Variants in CCDC141 observed in about 807,000 individuals in gnomAD.
CCDC141 encodes the protein coiled-coil domain containing 141.
A neutral mutation model predicts 181.0 loss-of-function variants in CCDC141; 168 were observed. The ratio of observed to expected loss-of-function variants is 0.93; its 90% CI spans 0.82 to 1.05. The LOEUF is 1.05. CCDC141 is among the 50% of genes least tolerant of loss of function. CCDC141 has a pLI of 0.00. For missense variants in CCDC141, 1,902 were observed against 1,788.5 expected (o/e 1.06, Z -1.14); for synonymous variants, 666 against 642.3 (o/e 1.04, Z -0.56).
In CCDC141 at chr2:178,834,415, C is replaced by G. The variant is rs572250404; in HGVS notation, c.4351G>C (p.Ala1451Pro). ...TWYKKGQKLS[A>P]DGHLQVLHKE... ...TGTAAAACCTGTAAGTGCCCATCTGCAGACAATTTCTGGCCCTTCTTGTAC... is the reference window on the plus strand; with the variant it reads ...TGTAAAACCTGTAAGTGCCCATCTGGAGACAATTTCTGGCCCTTCTTGTAC... Residue 1451 changes from alanine to proline, a missense_variant, in exon 24 of 24, where the codon GCA becomes CCA. Transcript: ENST00000443758. The G allele has an allele frequency of 1.1e-5, 17 of 1,536,386 alleles. No individual in the cohort carries two copies. The African/African-American group carries it at 2.2e-4, about 20-fold the overall frequency.
At chr2:178,904,244 C>T (rs1318952554) in intron 8 of CCDC141, among the ~76,000 whole-genome samples, 2 of 152,184 alleles carry the variant, frequency 1.3e-5, no homozygotes, top group Non-Finnish European at 2.9e-5. Flanking sequence ...CCCTTGTCTT[C>T]ATAGCCTCAA....
the CCDC141 span, among the ~76,000 whole-genome samples, chr2:178,823,880 A>C: frequency 6.6e-6 from 1 of 152,182 alleles, no homozygotes. Context: ...GCATATAAGT[A>C]ACTCTCTGTA....
At chr2:178,905,620 A>G (rs894203803) in intron 7 of CCDC141, 119 bp from the exon 8 acceptor site, 4 of 931,216 alleles carry the variant, frequency 4.3e-6, no homozygotes, top group Non-Finnish European at 6.1e-6. Flanking sequence ...ATTATAACAA[A>G]AAACAACCAT....
At chr2:178,922,835 C>T (rs1186929587) in intron 6 of CCDC141, among the ~76,000 whole-genome samples, 4 of 152,206 alleles carry the variant, frequency 2.6e-5, no homozygotes, top group Non-Finnish European at 5.9e-5. Flanking sequence ...CTGTGACCTT[C>T]CAAAGAAACT....
At position 179,015,087 on chromosome 2, in the gene CCDC141, T is replaced by TAC. The variant is rs1428335717; in HGVS notation, c.225+32196_225+32197insGT. ...ACAGAGATATATATATATATATATA[T>TAC]ATATATATATATATATAATATATAT... On this transcript the variant is annotated intron_variant, in intron 2 of 23. Transcript: ENST00000443758. Among the ~76,000 whole-genome samples, 159 of 46,304 alleles carry TAC rather than the reference T, an allele frequency of 3.4e-3. 9 individuals carry two copies. Among genetic ancestry groups the TAC allele is most frequent in the Middle Eastern group, 0.025 (3 of 118 alleles). 30.4% of individuals were successfully genotyped at this position (46,304 alleles called of 152,430 possible).
intron 21 of CCDC141, among the ~76,000 whole-genome samples, chr2:178,849,001 G>A (rs972254961): frequency 1.2e-4 from 18 of 151,990 alleles, no homozygotes; most frequent in Non-Finnish European, 2.4e-4. Context: ...TCATTGTAGT[G>A]TTATTTAAAA....
chr2:178,990,518 G>A (rs112129898), intron 2 of CCDC141, among the ~76,000 whole-genome samples: 1 of 138,920 alleles, frequency 7.2e-6, no homozygotes, highest in Non-Finnish European at 1.5e-5. Context: ...AAGAGAGAGA[G>A]AGAAAGAAAG....
chr2:178,816,139 C>T, the CCDC141 span, among the ~76,000 whole-genome samples: 3 of 152,264 alleles, frequency 2.0e-5, no homozygotes, highest in Admixed American at 6.5e-5. Flanking sequence ...TCCACCATTG[C>T]AGTATCATAC....
chr2:178,984,375 C>CG (rs1691604007), intron 2 of CCDC141, among the ~76,000 whole-genome samples: 1 of 150,970 alleles, frequency 6.6e-6, no homozygotes, highest in Non-Finnish European at 1.5e-5. Flanking sequence ...CAAAATGTAA[C>CG]GACCATCGAG....
At chr2:178,971,228 GA>G (rs1456599436) in intron 4 of CCDC141, among the ~76,000 whole-genome samples, 1 of 151,760 alleles carries the variant, frequency 6.6e-6, no homozygotes, top group Non-Finnish European at 1.5e-5. Context: ...AAATTTATAA[GA>G]AAAAAACAAC....
chr2:178,881,702 A>G (rs1459530763), intron 11 of CCDC141, among the ~76,000 whole-genome samples: 26 of 152,042 alleles, frequency 1.7e-4, no homozygotes, highest in Admixed American at 1.6e-3. Context: ...GAGCCTGGGC[A>G]TCATGAAGAA....
At chr2:178,931,603 C>T (rs1306782214) in intron 6 of CCDC141, among the ~76,000 whole-genome samples, 1 of 151,924 alleles carries the variant, frequency 6.6e-6, no homozygotes, top group Non-Finnish European at 1.5e-5. Context: ...ATGGTATTTC[C>T]AGAATAGGTA....
chr2:179,012,140 G>GAAAC (rs1430492696), intron 2 of CCDC141, among the ~76,000 whole-genome samples: 2 of 152,102 alleles, frequency 1.3e-5, no homozygotes, highest in African/African-American at 4.8e-5. Context: ...AAATGAAATT[G>GAAAC]AAACAAACAA....
intron 9 of CCDC141, among the ~76,000 whole-genome samples, chr2:178,888,309 C>G (rs1686982059): frequency 6.6e-6 from 1 of 152,114 alleles, no homozygotes; most frequent in African/African-American, 2.4e-5. Context: ...TGTGTGTATA[C>G]CTTCAGGCCA....
chr2:179,002,619 C>T (rs1389695460), intron 2 of CCDC141: 1 of 249,316 alleles, frequency 4.0e-6, no homozygotes, highest in Non-Finnish European at 7.8e-6. Flanking sequence ...ATAAATGCTG[C>T]TATGTTGCTC....
chr2:179,019,519 C>T (rs1285301739), intron 2 of CCDC141, among the ~76,000 whole-genome samples: 3 of 152,132 alleles, frequency 2.0e-5, no homozygotes, highest in East Asian at 1.9e-4. Context: ...TACAGGAAAG[C>T]TTTTAGCAGT....
At chr2:178,906,970 C>G (rs534308502) in intron 7 of CCDC141, among the ~76,000 whole-genome samples, 3 of 152,316 alleles carry the variant, frequency 2.0e-5, no homozygotes, top group African/African-American at 4.8e-5. Flanking sequence ...ATCACTCAAA[C>G]AGCGTCTTAC....
intron 15 of CCDC141, among the ~76,000 whole-genome samples, chr2:178,868,412 G>C (rs1685950284): frequency 6.6e-6 from 1 of 151,928 alleles, no homozygotes; most frequent in Non-Finnish European, 1.5e-5. Context: ...TTCCATTAAA[G>C]AAGGAAACAG....
chr2:178,850,202 T>G (rs756487840), intron 20 of CCDC141, 41 bp from the exon 21 acceptor site: 2 of 1,066,070 alleles, frequency 1.9e-6, no homozygotes, highest in East Asian at 2.4e-5. Context: ...AAGGTCAAAT[T>G]TTTAGCAAGA....
Sources: allele counts gnomAD v4.1 joint callset (sites outside exome capture counted in the v4.1 genomes callset), GRCh38; gene constraint gnomAD v4.1.1; transcripts MANE v1.5; gene names NCBI Gene and HGNC (gene_info 2026-07-23, HGNC 2026-07-21).